Variants in CELSR2 observed in about 807,000 individuals in gnomAD.
CELSR2 encodes cadherin EGF LAG seven-pass G-type receptor 2, also known as EGF-like protein 2.
A neutral mutation model predicts 251.6 loss-of-function variants in CELSR2; 81 were observed. That is an observed-to-expected ratio of 0.32 (90% CI 0.27 to 0.39). The LOEUF is 0.39. Among genes scored for constraint, CELSR2 ranks in the 10% least tolerant of loss-of-function variants. The probability of loss-of-function intolerance (pLI) is 1.00; values close to 1 mark genes in which losing one functional copy is unlikely to be tolerated. For missense variants in CELSR2, 3,365 were observed against 3,947.7 expected, an observed-to-expected ratio of 0.85 and a Z score of 3.96; for synonymous variants, 1,721 against 1,670.5, an observed-to-expected ratio of 1.03 and a Z score of -0.74.
chr1:109,255,440 G>T (rs11587316), intron 1 of CELSR2, among the ~76,000 whole-genome samples: 1 of 152,162 alleles, frequency 6.6e-6, no homozygotes, highest in Non-Finnish European at 1.5e-5. Flanking sequence ...AGCTGCCCCA[G>T]CCTGGGCCGA....
rs554757286 is a variant in CELSR2, at chr1:109,268,492, G to C, written c.6319-89G>C. ...AGAGGGAGGGGCCTGGTGGGGAGCAGGGACTGGCCCGGGCACAGGCCGGGG... is the reference window on the plus strand; with the variant it reads ...AGAGGGAGGGGCCTGGTGGGGAGCACGGACTGGCCCGGGCACAGGCCGGGG... On this transcript the variant is annotated intron_variant, in intron 17 of 33. Transcript: ENST00000271332. The C allele has an allele frequency of 1.4e-3, 2,032 of 1,465,632 alleles. 13 individuals carry two copies. Among genetic ancestry groups the C allele is most frequent in the South Asian group, 6.7e-3 (489 of 72,822 alleles). The allele number at this position is 1,465,632 out of a possible 1,614,324, so 90.8% of individuals were successfully genotyped here. A position where few individuals can be genotyped will look rare whatever the true frequency, so the allele number is the denominator to read the frequency against.
At position 109,271,491 on chromosome 1, in the gene CELSR2, T is replaced by G. The variant is rs937964233; in HGVS notation, c.7782T>G (p.Phe2594Leu). Reference protein sequence around the residue: ...NSDTLLFHYLFATCNCIQGPF... With the variant: ...NSDTLLFHYLLATCNCIQGPF... ...ACACCCTCCTCTTCCACTACCTCTT[T>G]GCTACCTGCAATTGCATCCAGGTAC... The change falls in exon 27 of 34, where the codon TTT becomes TTG. Residue 2594 changes from phenylalanine (F) to leucine (L), a missense_variant. Around this residue, in one of 5 missense-constraint regions of CELSR2, gnomAD observed 2,093 missense variants for 2,382.8 expected, o/e 0.88. Transcript: ENST00000271332. The G allele has an allele frequency of 6.2e-7, 1 of 1,614,154 alleles. No homozygotes were observed. Among genetic ancestry groups the G allele is most frequent in the Non-Finnish European group, 8.5e-7 (1 of 1,180,016 alleles).
chr1:109,263,134 C>T lies in CELSR2; in HGVS notation c.4709-8C>T, dbSNP rs1656069777. 5 of 1,593,644 alleles carry T rather than the reference C, an allele frequency of 3.1e-6. No individual in the cohort carries two copies. The highest frequency in any genetic ancestry group is 3.4e-5 in the Admixed American group (2 of 59,518). ...CAGGTCCACTGAGCTGCCTTCTCTC[C>T]ATTCCAGGCTGCCCTGCCAAGAAGA... On this transcript the variant is annotated splice_polypyrimidine_tract_variant and splice_region_variant and intron_variant, in intron 7 of 33. Coordinates refer to ENST00000271332, the MANE Select transcript of CELSR2 (RefSeq NM_001408.3).
At position 109,252,704 on chromosome 1, in the gene CELSR2, G is replaced by C; in HGVS notation, c.2625G>C (p.Thr875=). The C allele has an allele frequency of 6.2e-7, 1 of 1,614,058 alleles. No individual in the cohort carries two copies. Among genetic ancestry groups the C allele is most frequent in the Non-Finnish European group, 8.5e-7 (1 of 1,180,044 alleles). Residue 875 remains threonine, a synonymous_variant, in exon 1 of 34, where the codon ACG becomes ACC. Coordinates refer to ENST00000271332, the MANE Select transcript of CELSR2 (RefSeq NM_001408.3). The surrounding 1 kb of genome is among the most constrained non-coding windows in gnomAD (Gnocchi z 4.8). ...IVESTSGIVR[T]LRRLDRENVA... is the part of the protein sequence containing the mutation. Reference sequence around the variant, plus strand: ...AGTCCACGTCAGGCATCGTGCGAACGCTACGGAGGCTGGATCGAGAGAACG... The same window carrying C: ...AGTCCACGTCAGGCATCGTGCGAACCCTACGGAGGCTGGATCGAGAGAACG...
chr1:109,253,311 T>G lies in CELSR2; in HGVS notation c.3232T>G (p.Ser1078Ala). ...NELSLVLLNASTGELKLSRAL... is the reference protein window; with the variant it reads ...NELSLVLLNAATGELKLSRAL... ...ACTCAGCCTGGTCCTGCTCAATGCC[T>G]CCACGGGTGAGCTGAAGCTAAGCCG... is the stretch of plus-strand genomic sequence containing the variant. The change falls in exon 1 of 34, where the codon TCC becomes GCC. Residue 1078 changes from serine to alanine, a missense_variant. By Grantham distance (99) the Ser-to-Ala change is moderately conservative (BLOSUM62 1). Transcript: ENST00000271332. 6.2e-7 allele frequency: 1 copy of G among 1,613,452 alleles called. No individual in the cohort carries two copies. Among genetic ancestry groups the G allele is most frequent in the Non-Finnish European group, 8.5e-7 (1 of 1,180,028 alleles).
chr1:109,262,400 C>G lies in CELSR2; in HGVS notation c.4500C>G (p.Gly1500=). 6.2e-7 allele frequency: 1 copy of G among 1,614,156 alleles called. No individual in the cohort carries two copies. Among genetic ancestry groups the G allele is most frequent in the Non-Finnish European group, 8.5e-7 (1 of 1,180,040 alleles). The change falls in exon 6 of 34, where the codon GGC becomes GGG. Residue 1500 remains glycine (G), a synonymous_variant. Coordinates refer to ENST00000271332, the MANE Select transcript of CELSR2 (RefSeq NM_001408.3). The part of the protein sequence containing the change: ...GVALRFGSVL[G]NYSCAAQGTQ... ...CCTTGCGCTTCGGATCTGTCCTGGGCAACTACTCCTGTGCTGCCCAGGGCA... is the reference window on the plus strand; with the variant it reads ...CCTTGCGCTTCGGATCTGTCCTGGGGAACTACTCCTGTGCTGCCCAGGGCA...
In CELSR2 at chr1:109,253,336, G is replaced by T; in HGVS notation, c.3257G>T (p.Arg1086Leu). 2.5e-6 allele frequency: 4 copies of T among 1,613,374 alleles called. No homozygotes were observed. Among genetic ancestry groups the T allele is most frequent in the Non-Finnish European group, 3.4e-6 (4 of 1,180,034 alleles). Residue 1086 changes from arginine (R) to leucine (L), a missense_variant, in exon 1 of 34, where the codon CGC becomes CTC. By Grantham distance (102) the Arg-to-Leu change is moderately radical. Transcript: ENST00000271332. ...TCCACGGGTGAGCTGAAGCTAAGCC[G>T]CGCACTGGACAACAACCGGCCTCTG... is the stretch of plus-strand genomic sequence containing the variant. ...NASTGELKLS[R>L]ALDNNRPLEA... is the part of the protein sequence containing the mutation.
chr1:109,257,764 A>T (rs654106), intron 1 of CELSR2, among the ~76,000 whole-genome samples: 29,792 of 152,166 alleles, frequency 0.2, 3,939 homozygotes, highest in African/African-American at 0.37. Flanking sequence ...GTGGGTGATG[A>T]TGTCACTGGT....
At chr1:109,271,852 G>A (rs548080090) in intron 28 of CELSR2, 130 bp downstream of exon 28, 183 of 1,217,734 alleles carry the variant, frequency 1.5e-4, no homozygotes, top group Non-Finnish European at 1.9e-4. Flanking sequence ...AAGGGGAGGT[G>A]AAATGCTGTG....
chr1:109,268,903 A>C lies in CELSR2; in HGVS notation c.6526A>C (p.Lys2176Gln). 1.2e-6 allele frequency: 2 copies of C among 1,612,134 alleles called. No homozygotes were observed. Among genetic ancestry groups the C allele is most frequent in the East Asian group, 2.2e-5 (1 of 44,778 alleles). Residue 2176 changes from lysine to glutamine, a missense_variant, in exon 19 of 34, where the codon AAA becomes CAA. This residue lies in a region of CELSR2 where 2,093 missense variants were observed against 2,382.8 expected (regional missense o/e 0.88). Transcript: ENST00000271332. The stretch of plus-strand genomic sequence containing the variant: ...AGTCATCTCCGTAGTGCGCTTGGAC[A>C]AAGGGAACTTTGCTGGGGCCAAGCT... ...NIVISVVRLD[K>Q]GNFAGAKLPR... is the part of the protein sequence containing the mutation.
In CELSR2 at chr1:109,268,613, C is replaced by T. The variant is rs2101272168; in HGVS notation, c.6351C>T (p.Asp2117=). ...NLLRVGSALL[D]TANKRHWELI... Reference sequence around the variant, plus strand: ...TGCGGGTGGGCAGCGCCCTCCTGGACACAGCCAACAAGCGGCACTGGGAGC... The same window carrying T: ...TGCGGGTGGGCAGCGCCCTCCTGGATACAGCCAACAAGCGGCACTGGGAGC... Residue 2117 remains aspartate, a synonymous_variant, in exon 18 of 34, where the codon GAC becomes GAT. Transcript: ENST00000271332. The T allele has an allele frequency of 6.2e-7, 1 of 1,613,506 alleles. No homozygotes were observed. The highest frequency in any genetic ancestry group is 8.5e-7 in the Non-Finnish European group (1 of 1,179,804).
chr1:109,267,589 C>T lies in CELSR2; in HGVS notation c.6055C>T (p.Pro2019Ser), dbSNP rs916680012. The T allele has an allele frequency of 6.2e-7, 1 of 1,614,112 alleles. No individual in the cohort carries two copies. The highest frequency in any genetic ancestry group is 1.3e-5 in the African/African-American group (1 of 75,026). Reference protein sequence around the residue: ...RHCDEHRGWLPPNLFNCTSIT... With the variant: ...RHCDEHRGWLSPNLFNCTSIT... ...CTGTGATGAGCACAGGGGGTGGCTCCCCCCAAACCTCTTCAACTGCACGTC... is the reference window on the plus strand; with the variant it reads ...CTGTGATGAGCACAGGGGGTGGCTCTCCCCAAACCTCTTCAACTGCACGTC... Residue 2019 changes from proline (P) to serine (S), a missense_variant, in exon 16 of 34, where the codon CCC becomes TCC. Transcript: ENST00000271332.
At chr1:109,262,023 C>T (rs753714078) in intron 5 of CELSR2, 127 bp downstream of exon 5, 203 of 1,147,054 alleles carry the variant, frequency 1.8e-4, no homozygotes, top group Non-Finnish European at 2.3e-4. Context: ...AGGAAGGGAG[C>T]GGCTGGGAAG....
In CELSR2 at chr1:109,274,241, T is replaced by TCC. The variant is rs56246620; in HGVS notation, c.*199_*200dup. On this transcript the variant is annotated 3_prime_UTR_variant, in exon 34 of 34. Coordinates refer to ENST00000271332, the MANE Select transcript of CELSR2 (RefSeq NM_001408.3). ...CCACCTAAGGCCATCTAGTGCCAAC[T>TCC]CCCCCCCCACCATTCCCCTCACTGC... is the stretch of plus-strand genomic sequence containing the variant. 1.8e-4 allele frequency: 234 copies of TCC among 1,321,636 alleles called. 1 individual carries two copies. The highest frequency in any genetic ancestry group is 2.2e-4 in the Non-Finnish European group (216 of 997,794). 81.9% of individuals were successfully genotyped at this position (1,321,636 alleles called of 1,614,324 possible). A position where few individuals can be genotyped will look rare whatever the true frequency, so the allele number is the denominator to read the frequency against.
chr1:109,264,478 G>A lies in CELSR2; in HGVS notation c.5314G>A (p.Glu1772Lys), dbSNP rs1557733537. The change falls in exon 11 of 34, where the codon GAG becomes AAG. Residue 1772 changes from glutamate to lysine, a missense_variant. Around this residue, in one of 5 missense-constraint regions of CELSR2, gnomAD observed 2,093 missense variants for 2,382.8 expected, o/e 0.88. Transcript: ENST00000271332. The part of the protein sequence containing the change: ...LQGVRVSDTP[E>K]GVNSLDPSHG... ...GGGTGTGCGGGTGAGCGATACGCCG[G>A]AGGGGGTTAACAGCCTGGATCCCAG... 1 of 1,613,716 alleles carries A rather than the reference G, an allele frequency of 6.2e-7. No individual in the cohort carries two copies. The highest frequency in any genetic ancestry group is 2.2e-5 in the East Asian group (1 of 44,862).
At chr1:109,262,647 A>G (rs948396619) in intron 6 of CELSR2, among the ~76,000 whole-genome samples, 159 bp from the exon 7 acceptor site, 3 of 152,086 alleles carry the variant, frequency 2.0e-5, no homozygotes, top group Non-Finnish European at 2.9e-5. Context: ...TTCGACAAGA[A>G]CAGTTCCAGG....
intron 1 of CELSR2, among the ~76,000 whole-genome samples, chr1:109,255,751 A>G (rs945731972): frequency 6.6e-6 from 1 of 152,180 alleles, no homozygotes; most frequent in Non-Finnish European, 1.5e-5. Context: ...CCCTGTTCCC[A>G]TCCTGCCTTT....
intron 17 of CELSR2, 54 bp from the exon 18 acceptor site, chr1:109,268,526 TG>T: frequency 6.5e-7 from 1 of 1,539,622 alleles, no homozygotes; most frequent in South Asian, 1.2e-5. Flanking sequence ...GGCTCCATGG[TG>T]GGGATGTCAG....
At position 109,273,687 on chromosome 1, in the gene CELSR2, G is replaced by T; in HGVS notation, c.8744+17G>T. The T allele has an allele frequency of 1.4e-6, 2 of 1,399,116 alleles. No individual in the cohort carries two copies. The highest frequency in any genetic ancestry group is 3.0e-5 in the South Asian group (2 of 67,580). 86.7% of individuals were successfully genotyped at this position (1,399,116 alleles called of 1,614,324 possible). A position where few individuals can be genotyped will look rare whatever the true frequency, so the allele number is the denominator to read the frequency against. On this transcript the variant is annotated intron_variant, in intron 33 of 33. Transcript: ENST00000271332. ...AGGCTCCGAGTGAGTGTGGCCGGGTGGGCGGGACGGGGTGCAGCCCCTCGG... is the reference window on the plus strand; with the variant it reads ...AGGCTCCGAGTGAGTGTGGCCGGGTTGGCGGGACGGGGTGCAGCCCCTCGG...
Sources: allele counts gnomAD v4.1 joint callset (sites outside exome capture counted in the v4.1 genomes callset), GRCh38; gene constraint gnomAD v4.1.1; regional missense constraint gnomAD v4.1.1; non-coding constraint Gnocchi (gnomAD v3.1); transcripts MANE v1.5; gene names NCBI Gene and HGNC (gene_info 2026-07-23, HGNC 2026-07-21).